TAB2: variants seen among roughly 807,000 people sequenced by gnomAD.
The protein encoded by TAB2 is TGF-beta activated kinase 1 (MAP3K7) binding protein 2.
Under a neutral mutation model 65.0 loss-of-function variants are expected in TAB2, and 3 were observed. The ratio of observed to expected loss-of-function variants is 0.05; its 90% CI spans 0.02 to 0.12. TAB2 has a LOEUF of 0.12. TAB2 is among the 10% of genes least tolerant of loss of function. The pLI is 1.00. For synonymous variants in TAB2, 298 were observed against 285.1 expected (o/e 1.05, Z -0.46); for missense variants, 623 against 840.3 (o/e 0.74, Z 3.20).
intron 1 of TAB2, among the ~76,000 whole-genome samples, chr6:149,271,679 G>T (rs141358602): frequency 4.0e-4 from 61 of 152,184 alleles, no homozygotes; most frequent in African/African-American, 1.5e-3. Context: ...ACAATCATGT[G>T]CTCTGCTTAA....
In TAB2 at chr6:149,259,643, T is replaced by C. The variant is rs568666044; in HGVS notation, c.-121+40867T>C. ...CAGGAATCTCCAGAAGAATTAGACATCCTGTCTTATAGATGCTTATTCATA... is the reference window on the plus strand; with the variant it reads ...CAGGAATCTCCAGAAGAATTAGACACCCTGTCTTATAGATGCTTATTCATA... On this transcript the variant is annotated intron_variant, in intron 1 of 1. Coordinates refer to the TAB2 transcript ENST00000606202. Among the ~76,000 whole-genome samples, 6 of 152,304 alleles carry C rather than the reference T, an allele frequency of 3.9e-5. No homozygotes were observed. In the South Asian group the frequency reaches 1.2e-3, roughly 32 times the overall value.
chr6:149,318,501 G>A (rs945749936), intron 1 of TAB2: 1 of 152,024 alleles, frequency 6.6e-6, no homozygotes, highest in African/African-American at 2.4e-5. Flanking sequence ...GCAGTTATGT[G>A]GGGGTCGGGC....
chr6:149,309,712 T>TAA lies in TAB2; in HGVS notation c.-120-68297_-120-68296dup, dbSNP rs60687477. 6.9e-3 allele frequency among the ~76,000 whole-genome samples: 1,040 copies of TAA among 150,222 alleles called. 43 individuals carry two copies. The highest frequency in any genetic ancestry group is 0.052 in the Admixed American group (786 of 15,122). On this transcript the variant is annotated intron_variant, in intron 1 of 1. Transcript: ENST00000606202. ...ACGCCTGCCCTCAATTATTCCTCTT[T>TAA]AAAAAAAAAATGGTCTAGCTATTCT...
At chr6:149,346,285 C>T (rs1780297235) in intron 1 of TAB2, among the ~76,000 whole-genome samples, 1 of 152,040 alleles carries the variant, frequency 6.6e-6, no homozygotes, top group African/African-American at 2.4e-5. Context: ...CACACACACA[C>T]CCCTCTCCCT....
intron 1 of TAB2, among the ~76,000 whole-genome samples, chr6:149,277,057 T>C (rs1342090181): frequency 6.6e-6 from 1 of 152,176 alleles, no homozygotes; most frequent in African/African-American, 2.4e-5. Context: ...ATTGTCACCA[T>C]CCATGTAAGA....
chr6:149,277,897 G>A (rs1334139143), intron 1 of TAB2, among the ~76,000 whole-genome samples: 2 of 151,910 alleles, frequency 1.3e-5, no homozygotes, highest in South Asian at 4.3e-4. Context: ...TAGTCTGGAG[G>A]TAGTTTTAGA....
intron 1 of TAB2, among the ~76,000 whole-genome samples, chr6:149,353,677 A>G (rs1285708795): frequency 6.6e-6 from 1 of 152,246 alleles, no homozygotes; most frequent in African/African-American, 2.4e-5. Flanking sequence ...GAAATGGTCC[A>G]CGTACAAAAA....
chr6:149,290,202 T>G (rs1010378859), intron 1 of TAB2, among the ~76,000 whole-genome samples: 4 of 152,184 alleles, frequency 2.6e-5, no homozygotes, highest in African/African-American at 9.7e-5. Flanking sequence ...GAACTAGTTT[T>G]TCAGGTTAAC....
chr6:149,296,520 T>A (rs1256063399), intron 1 of TAB2, among the ~76,000 whole-genome samples: 5 of 152,256 alleles, frequency 3.3e-5, no homozygotes, highest in African/African-American at 1.2e-4. Flanking sequence ...TTTCAAGAAA[T>A]GTTTTAAAAT....
At chr6:149,279,901 C>G (rs1778541530) in intron 1 of TAB2, among the ~76,000 whole-genome samples, 1 of 152,196 alleles carries the variant, frequency 6.6e-6, no homozygotes, top group South Asian at 2.1e-4. Context: ...CACCAGTCAT[C>G]CAAGTTGTTT....
chr6:149,273,036 C>A (rs764012725), intron 1 of TAB2, among the ~76,000 whole-genome samples: 1 of 152,068 alleles, frequency 6.6e-6, no homozygotes, highest in Admixed American at 6.6e-5. Context: ...CTCCCCGCAC[C>A]CTTCGCCCCA....
intron 2 of TAB2, among the ~76,000 whole-genome samples, chr6:149,374,079 G>A (rs569231483): frequency 1.3e-5 from 2 of 152,250 alleles, no homozygotes; most frequent in Admixed American, 6.5e-5. Flanking sequence ...CACCTTTGGA[G>A]GTTGCTAGGG....
intron 1 of TAB2, among the ~76,000 whole-genome samples, chr6:149,274,254 G>T (rs759549697): frequency 6.6e-5 from 10 of 152,188 alleles, no homozygotes; most frequent in Admixed American, 3.9e-4. Context: ...CAACTGACCC[G>T]GTTAAGGGAT....
chr6:149,350,434 A>C (rs1188576899), intron 1 of TAB2, among the ~76,000 whole-genome samples: 3 of 152,088 alleles, frequency 2.0e-5, no homozygotes, highest in Non-Finnish European at 4.4e-5. Context: ...TTACAGAAAA[A>C]ATTATTACCG....
intron 1 of TAB2, among the ~76,000 whole-genome samples, chr6:149,306,401 T>G (rs1779070388): frequency 6.7e-6 from 1 of 149,920 alleles, no homozygotes; most frequent in South Asian, 2.1e-4. Flanking sequence ...ATATAAAAAA[T>G]TAGCAGGGTG....
At chr6:149,264,886 AC>A (rs2114670503) in intron 1 of TAB2, among the ~76,000 whole-genome samples, 1 of 152,350 alleles carries the variant, frequency 6.6e-6, no homozygotes, top group South Asian at 2.1e-4. Flanking sequence ...GCTAATGAGA[AC>A]GTGTGAGCCA....
At chr6:149,233,869 T>C (rs1777449282) in intron 1 of TAB2, among the ~76,000 whole-genome samples, 1 of 152,186 alleles carries the variant, frequency 6.6e-6, no homozygotes, top group Non-Finnish European at 1.5e-5. Flanking sequence ...TAAACAATAA[T>C]ATAATTTTTT....
At chr6:149,285,446 T>C (rs950777811) in intron 1 of TAB2, among the ~76,000 whole-genome samples, 1 of 152,204 alleles carries the variant, frequency 6.6e-6, no homozygotes, top group Non-Finnish European at 1.5e-5. Flanking sequence ...GGCCATCCTC[T>C]ACAAAGTGAT....
At chr6:149,235,977 T>A (rs1777486854) in intron 1 of TAB2, among the ~76,000 whole-genome samples, 1 of 152,134 alleles carries the variant, frequency 6.6e-6, no homozygotes, top group South Asian at 2.1e-4. Flanking sequence ...GAAGGGAGAA[T>A]GGATTTAAGG....
Sources: gnomAD v4.1 joint callset for allele counts (sites outside exome capture counted in the v4.1 genomes callset) on GRCh38, gnomAD v4.1.1 for gene constraint, MANE v1.5 for transcripts, NCBI Gene and HGNC (gene_info 2026-07-23, HGNC 2026-07-21) for gene names.